Variants in USP30 observed in about 807,000 individuals in gnomAD.
USP30 encodes the protein ubiquitin specific peptidase 30.
In USP30, 41 loss-of-function variants were observed where a neutral mutation model predicts 68.2. The observed-to-expected ratio is 0.60, with a 90% confidence interval of 0.47 to 0.78. The LOEUF (loss-of-function observed/expected upper bound fraction) is 0.78. Among genes scored for constraint, USP30 ranks in the 30% least tolerant of loss-of-function variants. USP30 has a pLI of 0.00. For synonymous variants in USP30, 229 were observed against 253.7 expected (o/e 0.90, Z 0.93); for missense variants, 522 against 649.4 (o/e 0.80, Z 2.13).
chr12:109,085,133 A>G, intron 12 of USP30, 60 bp downstream of exon 12: 2 of 1,356,650 alleles, frequency 1.5e-6, no homozygotes, highest in Non-Finnish European at 1.9e-6. Context: ...TTCTAAAATT[A>G]GCTTTTCACA....
At chr12:109,071,782 T>C in intron 5 of USP30, 72 bp downstream of exon 5, 2 of 1,342,014 alleles carry the variant, frequency 1.5e-6, no homozygotes. Context: ...GAGGCAAGTG[T>C]AATCTTTGTA....
chr12:109,034,588 A>G (rs139763462), intron 3 of USP30, among the ~76,000 whole-genome samples: 1 of 152,242 alleles, frequency 6.6e-6, no homozygotes, highest in East Asian at 1.9e-4. Flanking sequence ...AAGAGAGAAA[A>G]TGCATTCTGC....
chr12:109,064,862 G>T (rs1033315470), intron 3 of USP30, among the ~76,000 whole-genome samples: 1 of 151,772 alleles, frequency 6.6e-6, no homozygotes, highest in African/African-American at 2.4e-5. Flanking sequence ...TTTTCCTTTG[G>T]GGGGTAGTTG....
At chr12:109,033,478 G>A (rs1329123908) in intron 3 of USP30, among the ~76,000 whole-genome samples, 2 of 152,182 alleles carry the variant, frequency 1.3e-5, no homozygotes, top group South Asian at 2.1e-4. Flanking sequence ...GGCAGTTTGA[G>A]CAGCCAGGCT....
chr12:109,032,341 A>G (rs2040488833), intron 3 of USP30, among the ~76,000 whole-genome samples: 1 of 152,184 alleles, frequency 6.6e-6, no homozygotes, highest in Admixed American at 6.5e-5. Context: ...TTGTATTTAA[A>G]TGTTCATAGC....
intron 3 of USP30, among the ~76,000 whole-genome samples, chr12:109,045,690 A>G (rs182546603): frequency 9.5e-4 from 144 of 152,294 alleles, no homozygotes; most frequent in African/African-American, 3.0e-3. Context: ...GCATGTAGGT[A>G]CCTAGCATGG....
Position 109,086,065 on chromosome 12 carries a change from C to T in USP30, c.*134C>T. On this transcript the variant is annotated 3_prime_UTR_variant, in exon 13 of 13. Coordinates refer to ENST00000257548, the MANE Select transcript of USP30 (RefSeq NM_032663.5). ...TTCTGGTGTGTTCTAAGAGCAGGCT[C>T]CACCTGGGAGCCAGCCCCAGTTCAC... The T allele has an allele frequency of 1.5e-6, 2 of 1,348,934 alleles. No homozygotes were observed. Among genetic ancestry groups the T allele is most frequent in the Non-Finnish European group, 2.0e-6 (2 of 1,016,570 alleles). 83.6% of individuals were successfully genotyped at this position (1,348,934 alleles called of 1,614,324 possible).
At chr12:109,032,348 T>C (rs1251722079) in intron 3 of USP30, among the ~76,000 whole-genome samples, 1 of 152,174 alleles carries the variant, frequency 6.6e-6, no homozygotes. Flanking sequence ...TAAATGTTCA[T>C]AGCATTATTA....
At chr12:109,037,364 A>T (rs1200646668) in intron 3 of USP30, among the ~76,000 whole-genome samples, 1 of 152,100 alleles carries the variant, frequency 6.6e-6, no homozygotes, top group Admixed American at 6.5e-5. Context: ...TCCTTTGATC[A>T]TATTTAAAAC....
chr12:109,053,328 T>A (rs2040733193), intron 1 of USP30, among the ~76,000 whole-genome samples: 2 of 152,060 alleles, frequency 1.3e-5, no homozygotes, highest in Admixed American at 1.3e-4. Context: ...TTAGTGTGAG[T>A]AAAGGCCCTT....
At chr12:109,063,772 A>C (rs1310042961) in intron 3 of USP30, among the ~76,000 whole-genome samples, 1 of 152,112 alleles carries the variant, frequency 6.6e-6, no homozygotes, top group Non-Finnish European at 1.5e-5. Flanking sequence ...CATTTCCCTA[A>C]TGATAAGTTA....
Position 109,076,732 on chromosome 12 carries a change from C to CTT in USP30, c.720+3216_720+3217dup, listed in dbSNP as rs71079520. ...GGTGAATTACAGTGATTGATTTTTT[C>CTT]TTTTTTTTTTTTTTTTTGAGACGGA... On this transcript the variant is annotated intron_variant, in intron 7 of 12. Transcript: ENST00000257548. 8.8e-3 allele frequency among the ~76,000 whole-genome samples: 1,094 copies of CTT among 124,684 alleles called. 22 individuals carry two copies. The highest frequency in any genetic ancestry group is 0.012 in the South Asian group (48 of 4,076). The allele number at this position is 124,684 out of a possible 152,430, so 81.8% of individuals were successfully genotyped here. A position where few individuals can be genotyped will look rare whatever the true frequency, so the allele number is the denominator to read the frequency against.
intron 7 of USP30, among the ~76,000 whole-genome samples, chr12:109,075,073 A>G (rs2135790588): frequency 6.6e-6 from 1 of 152,296 alleles, no homozygotes; most frequent in South Asian, 2.1e-4. Context: ...ATAATATTCC[A>G]TTATATGTGT....
intron 7 of USP30, among the ~76,000 whole-genome samples, chr12:109,076,434 A>G (rs1351316855): frequency 7.9e-6 from 1 of 126,776 alleles, no homozygotes; most frequent in Non-Finnish European, 1.7e-5. Flanking sequence ...TCTTTGCCTT[A>G]TTATCCTGGC....
chr12:109,078,742 C>T (rs1429111626), intron 7 of USP30, among the ~76,000 whole-genome samples: 1 of 152,088 alleles, frequency 6.6e-6, no homozygotes, highest in East Asian at 1.9e-4. Flanking sequence ...TTCCTTTTAA[C>T]ATTTGTTATA....
At position 109,052,607 on chromosome 12, in the gene USP30, T is replaced by A; in HGVS notation, c.-72T>A. ...GCAGGTTCCGCTGTCTCGGGAACCG[T>A]CGTATCCCTCGGTCCGGCGGCGGCG... is the stretch of plus-strand genomic sequence containing the variant. On this transcript the variant is annotated 5_prime_UTR_variant, in exon 1 of 13. Transcript: ENST00000257548. The A allele has an allele frequency of 7.2e-7, 1 of 1,389,238 alleles. No homozygotes were observed. The highest frequency in any genetic ancestry group is 1.5e-5 in the African/African-American group (1 of 65,730). The allele number at this position is 1,389,238 out of a possible 1,614,324, so 86.1% of individuals were successfully genotyped here. A position where few individuals can be genotyped will look rare whatever the true frequency, so the allele number is the denominator to read the frequency against.
At chr12:109,027,321 C>T (rs1276155986) in intron 2 of USP30, 1 of 152,166 alleles carries the variant, frequency 6.6e-6, no homozygotes, top group Non-Finnish European at 1.5e-5. Flanking sequence ...CTCTGCTGTC[C>T]AGGTTGACGT....
chr12:109,056,714 G>T lies in USP30; in HGVS notation c.116G>T (p.Gly39Val), dbSNP rs1229857487. The T allele has an allele frequency of 6.2e-7, 1 of 1,612,472 alleles. No homozygotes were observed. Among genetic ancestry groups the T allele is most frequent in the Non-Finnish European group, 8.5e-7 (1 of 1,179,566 alleles). ...GTCATGAAGAACTGGGGAGTTATAG[G>T]TGGAATTGCTGCTGCTCTTGCAGCA... Reference protein sequence around the residue: ...YKVMKNWGVIGGIAAALAAGI... With the variant: ...YKVMKNWGVIVGIAAALAAGI... Residue 39 changes from glycine to valine, a missense_variant, in exon 2 of 13, where the codon GGT (glycine) becomes GTT (valine). Gly to Val is a moderately radical substitution (Grantham distance 109). Coordinates refer to ENST00000257548, the MANE Select transcript of USP30 (RefSeq NM_032663.5).
At chr12:109,043,252 C>T (rs1476426435) in intron 3 of USP30, among the ~76,000 whole-genome samples, 4 of 152,134 alleles carry the variant, frequency 2.6e-5, no homozygotes, top group East Asian at 1.9e-4. Context: ...ATTCTAAATT[C>T]GTGTGGACTC....
Sources: allele counts gnomAD v4.1 joint callset (sites outside exome capture counted in the v4.1 genomes callset), GRCh38; gene constraint gnomAD v4.1.1; transcripts MANE v1.5; gene names NCBI Gene and HGNC (gene_info 2026-07-23, HGNC 2026-07-21).